The following OR6B1 variants were observed in gnomAD, a reference collection of about 807,000 sequenced individuals.
OR6B1 encodes the protein olfactory receptor family 6 subfamily B member 1, also known as olfactory receptor 6B1.
OR6B1 carries 15 observed loss-of-function variants against 15.4 expected under a neutral mutation model. The observed-to-expected ratio is 0.97, with a 90% CI of 0.65 to 1.50. OR6B1 has a LOEUF of 1.50. OR6B1 is among the 40% of genes most tolerant of loss of function. The pLI is 0.00. For missense variants in OR6B1, 384 were observed against 385.0 expected (o/e 1.00, Z 0.02); for synonymous variants, 139 against 144.9 (o/e 0.96, Z 0.29).
chr7:144,002,859 C>A (rs1239961620), intron 1 of OR6B1, among the ~76,000 whole-genome samples: 1 of 152,076 alleles, frequency 6.6e-6, no homozygotes, highest in Non-Finnish European at 1.5e-5. Flanking sequence ...GCAATCATAT[C>A]TCCTTCAGCA....
At position 144,003,178 on chromosome 7, in the gene OR6B1, T is replaced by C. The variant is rs2050595562; in HGVS notation, c.-25-794T>C. Among the ~76,000 whole-genome samples the C allele has an allele frequency of 1.3e-5, 2 of 152,178 alleles. 1 individual carries two copies. Among genetic ancestry groups the C allele is most frequent in the Admixed American group, 1.3e-4 (2 of 15,284 alleles). On this transcript the variant is annotated intron_variant, in intron 1 of 1. Transcript: ENST00000641698. ...CAGCAGATCCTCCCCTCCCTCCAGT[T>C]AGTGTATTCCTACCTTCATCACTGC...
At chr7:144,002,081 G>A (rs987116295) in intron 1 of OR6B1, among the ~76,000 whole-genome samples, 10 of 152,302 alleles carry the variant, frequency 6.6e-5, no homozygotes, top group African/African-American at 2.4e-4. Context: ...AAATACATTG[G>A]TAAGTCCAAA....
At position 144,004,428 on chromosome 7, in the gene OR6B1, C is replaced by T. The variant is rs377370623; in HGVS notation, c.432C>T (p.Leu144=). The T allele has an allele frequency of 2.7e-5, 44 of 1,614,086 alleles. No homozygotes were observed. In the East Asian group the frequency reaches 8.2e-4, roughly 30 times the overall value. Reference sequence around the variant, plus strand: ...TGAGCCATGGGCTCTGCTTCCGCCTCGCTCTTGGTTCCTGGGCCATTGGCT... The same window carrying T: ...TGAGCCATGGGCTCTGCTTCCGCCTTGCTCTTGGTTCCTGGGCCATTGGCT... The part of the protein sequence containing the change: ...TIMSHGLCFR[L]ALGSWAIGFG... The change falls in exon 2 of 2, where the codon CTC becomes CTT. Residue 144 remains leucine (L), a synonymous_variant. Coordinates refer to ENST00000641698, the MANE Select transcript of OR6B1 (RefSeq NM_001005281.3).
At position 144,004,923 on chromosome 7, in the gene OR6B1, A is replaced by T. The variant is rs1362853933; in HGVS notation, c.927A>T (p.Arg309Ser). 2 of 1,597,008 alleles carry T rather than the reference A, an allele frequency of 1.3e-6. No homozygotes were observed. The highest frequency in any genetic ancestry group is 1.7e-6 in the Non-Finnish European group (2 of 1,176,430). The part of the protein sequence containing the change: ...LKKLAYCQAS[R>S]SD ...AACTGGCATATTGCCAGGCCAGCAGATCTGACTAGTCAATTACAGCTGATT... is the reference window on the plus strand; with the variant it reads ...AACTGGCATATTGCCAGGCCAGCAGTTCTGACTAGTCAATTACAGCTGATT... The change falls in exon 2 of 2, where the codon AGA becomes AGT. Residue 309 changes from arginine to serine, a missense_variant. Coordinates refer to ENST00000641698, the MANE Select transcript of OR6B1 (RefSeq NM_001005281.3).
At chr7:144,001,885 T>A (rs1221939519) in intron 1 of OR6B1, among the ~76,000 whole-genome samples, 1 of 151,868 alleles carries the variant, frequency 6.6e-6, no homozygotes, top group Non-Finnish European at 1.5e-5. Context: ...CCAATCATTA[T>A]TCTCAGATAC....
intron 1 of OR6B1, among the ~76,000 whole-genome samples, chr7:144,003,670 A>G (rs953757609): frequency 6.6e-6 from 1 of 152,064 alleles, no homozygotes; most frequent in Non-Finnish European, 1.5e-5. Context: ...TGGGCTTTAG[A>G]CTGAGACTTG....
Position 144,004,683 on chromosome 7 carries a change from C to T in OR6B1, c.687C>T (p.Pro229=), listed in dbSNP as rs1481288492. 2 of 1,614,210 alleles carry T rather than the reference C, an allele frequency of 1.2e-6. No homozygotes were observed. The highest frequency in any genetic ancestry group is 1.1e-5 in the South Asian group (1 of 91,086). Residue 229 remains proline, a synonymous_variant, in exon 2 of 2, where the codon CCC becomes CCT. Transcript: ENST00000641698. ...GCILATILCM[P]TGKQKAFSTC... ...TTCTGGCCACCATATTATGCATGCC[C>T]ACAGGAAAGCAGAAAGCGTTCTCCA...
In OR6B1 at chr7:144,007,267, G is replaced by A. The variant is rs1339892946; in HGVS notation, c.*2335G>A. The A allele has an allele frequency of 6.6e-6, 1 of 152,154 alleles. No individual in the cohort carries two copies. Among genetic ancestry groups the A allele is most frequent in the Non-Finnish European group, 1.5e-5 (1 of 68,034 alleles). 9.4% of individuals were successfully genotyped at this position (152,154 alleles called of 1,614,324 possible). On this transcript the variant is annotated 3_prime_UTR_variant, in exon 2 of 2. Coordinates refer to ENST00000641698, the MANE Select transcript of OR6B1 (RefSeq NM_001005281.3). ...CAGCAAAGTAAGGACACAGACCAAT[G>A]TAGAAATCTGCCTCAACAGAGAAAA...
chr7:144,003,773 T>TCACACACACACACACACA (rs766413477), intron 1 of OR6B1, among the ~76,000 whole-genome samples, 199 bp from the exon 2 acceptor site: 11 of 140,128 alleles, frequency 7.8e-5, no homozygotes, highest in African/African-American at 2.6e-4. Context: ...ACAGATACAA[T>TCACACACACACACACACA]CACACACACA....
In OR6B1 at chr7:144,008,448, C is replaced by A. The variant is rs1364164359; in HGVS notation, c.*3516C>A. ...GAGGGACATTGAAGAGACTGAGCAGCCAGAGCAGTGAGAAAAGGGTAAGCA... is the reference window on the plus strand; with the variant it reads ...GAGGGACATTGAAGAGACTGAGCAGACAGAGCAGTGAGAAAAGGGTAAGCA... On this transcript the variant is annotated 3_prime_UTR_variant, in exon 2 of 2. Coordinates refer to ENST00000641698, the MANE Select transcript of OR6B1 (RefSeq NM_001005281.3). 6.6e-6 allele frequency: 1 copy of A among 152,146 alleles called. No individual in the cohort carries two copies. Among genetic ancestry groups the A allele is most frequent in the African/African-American group, 2.4e-5 (1 of 41,400 alleles). 9.4% of individuals were successfully genotyped at this position (152,146 alleles called of 1,614,324 possible). A position where few individuals can be genotyped will look rare whatever the true frequency, so the allele number is the denominator to read the frequency against.
chr7:144,004,468 G>A lies in OR6B1; in HGVS notation c.472G>A (p.Ala158Thr), dbSNP rs1320690798. ...SWAIGFGISL[A>T]KIYFISCLSF... ...GGCCATTGGCTTTGGCATCTCCCTG[G>A]CGAAGATCTACTTCATCTCCTGCCT... The change falls in exon 2 of 2, where the codon GCG becomes ACG. Residue 158 changes from alanine (A) to threonine (T), a missense_variant. Physicochemically the swap from Ala to Thr is moderately conservative, Grantham distance 58. Transcript: ENST00000641698. 2 of 1,614,104 alleles carry A rather than the reference G, an allele frequency of 1.2e-6. No individual in the cohort carries two copies. Among genetic ancestry groups the A allele is most frequent in the Non-Finnish European group, 1.7e-6 (2 of 1,180,028 alleles).
Position 144,004,022 on chromosome 7 carries a change from T to C in OR6B1, c.26T>C (p.Val9Ala). The C allele has an allele frequency of 6.2e-7, 1 of 1,612,750 alleles. No individual in the cohort carries two copies. Among genetic ancestry groups the C allele is most frequent in the Non-Finnish European group, 8.5e-7 (1 of 1,179,332 alleles). The change falls in exon 2 of 2, where the codon GTC becomes GCC. Residue 9 changes from valine (V) to alanine (A), a missense_variant. By Grantham distance (64) the Val-to-Ala change is moderately conservative. Coordinates refer to ENST00000641698, the MANE Select transcript of OR6B1 (RefSeq NM_001005281.3). MELENQTR[V>A]TKFILVGFPG... Reference sequence around the variant, plus strand: ...ATGGAGTTGGAGAACCAGACACGAGTCACCAAGTTCATTCTGGTGGGATTC... The same window carrying C: ...ATGGAGTTGGAGAACCAGACACGAGCCACCAAGTTCATTCTGGTGGGATTC...
intron 1 of OR6B1, 34 bp from the exon 2 acceptor site, chr7:144,003,938 C>A: frequency 8.9e-7 from 1 of 1,127,092 alleles, no homozygotes; most frequent in Non-Finnish European, 1.3e-6. Flanking sequence ...ATAGCTGGGC[C>A]ATGGAGTCTG....
chr7:144,003,773 TCACACACACACACACACA>T (rs766413477), intron 1 of OR6B1, among the ~76,000 whole-genome samples, 181 bp from the exon 2 acceptor site: 1 of 140,128 alleles, frequency 7.1e-6, no homozygotes, highest in African/African-American at 2.6e-5. Context: ...ACAGATACAA[TCACACACACACACACACA>T]CACACACACA....
intron 1 of OR6B1, among the ~76,000 whole-genome samples, chr7:144,003,370 A>G (rs1440747855): frequency 6.6e-6 from 1 of 152,228 alleles, no homozygotes; most frequent in Non-Finnish European, 1.5e-5. Flanking sequence ...GTAAGATTTC[A>G]AGGTCATAGC....
At position 144,007,900 on chromosome 7, in the gene OR6B1, T is replaced by G. The variant is rs2116979078; in HGVS notation, c.*2968T>G. The G allele has an allele frequency of 6.6e-6, 1 of 152,232 alleles. No homozygotes were observed. Among genetic ancestry groups the G allele is most frequent in the East Asian group, 1.9e-4 (1 of 5,186 alleles). The allele number at this position is 152,232 out of a possible 1,614,324, so 9.4% of individuals were successfully genotyped here. On this transcript the variant is annotated 3_prime_UTR_variant, in exon 2 of 2. Transcript: ENST00000641698. Reference sequence around the variant, plus strand: ...AGTGGACTCAATGTCCAATGACAAGTTCCTTATATGAGAGAGAAGAGAAAA... The same window carrying G: ...AGTGGACTCAATGTCCAATGACAAGGTCCTTATATGAGAGAGAAGAGAAAA...
chr7:144,003,994 A>C lies in OR6B1; in HGVS notation c.-3A>C. The C allele has an allele frequency of 6.2e-7, 1 of 1,604,324 alleles. No homozygotes were observed. The highest frequency in any genetic ancestry group is 2.2e-5 in the East Asian group (1 of 44,864). Reference sequence around the variant, plus strand: ...CAGGAGAGCTAAGCCCTGTGTCTCCAATATGGAGTTGGAGAACCAGACACG... The same window carrying C: ...CAGGAGAGCTAAGCCCTGTGTCTCCCATATGGAGTTGGAGAACCAGACACG... On this transcript the variant is annotated 5_prime_UTR_variant, in exon 2 of 2. Coordinates refer to ENST00000641698, the MANE Select transcript of OR6B1 (RefSeq NM_001005281.3).
At chr7:144,003,063 T>C (rs10246251) in intron 1 of OR6B1, among the ~76,000 whole-genome samples, 67,552 of 151,914 alleles carry the variant, frequency 0.44, 16,275 homozygotes, top group African/African-American at 0.6. Context: ...TTAAAAATCT[T>C]CACTCAGTGA....
intron 1 of OR6B1, 29 bp from the exon 2 acceptor site, chr7:144,003,942 GA>G (rs2050601234): frequency 1.7e-6 from 2 of 1,183,072 alleles, no homozygotes; most frequent in African/African-American, 3.1e-5. Context: ...CTGGGCCATG[GA>G]GTCTGATCAA....
Sources: gnomAD v4.1 joint callset for allele counts (sites outside exome capture counted in the v4.1 genomes callset) on GRCh38, gnomAD v4.1.1 for gene constraint, MANE v1.5 for transcripts, NCBI Gene and HGNC (gene_info 2026-07-23, HGNC 2026-07-21) for gene names.